Variants in GPI observed in about 807,000 individuals in gnomAD.
GPI encodes the protein glucose-6-phosphate isomerase.
In GPI, 56 loss-of-function variants were observed where a neutral mutation model predicts 75.8. The ratio of observed to expected loss-of-function variants is 0.74; its 90% CI spans 0.60 to 0.92. The LOEUF (loss-of-function observed/expected upper bound fraction) is 0.92. GPI is among the 40% of genes least tolerant of loss of function. The probability of loss-of-function intolerance (pLI) is 0.00; values close to 1 mark genes in which losing one functional copy is unlikely to be tolerated. For synonymous variants in GPI, 288 were observed against 285.4 expected (o/e 1.01, Z -0.09); for missense variants, 638 against 741.0 (o/e 0.86, Z 1.61).
chr19:34,400,677 C>T lies in GPI; in HGVS notation c.*641C>T, dbSNP rs2075009354. The T allele has an allele frequency of 1.7e-5, 7 of 403,606 alleles. No individual in the cohort carries two copies. Among genetic ancestry groups the T allele is most frequent in the Non-Finnish European group, 3.1e-5 (7 of 229,102 alleles). The allele number at this position is 403,606 out of a possible 1,614,324, so 25.0% of individuals were successfully genotyped here. On this transcript the variant is annotated 3_prime_UTR_variant, in exon 18 of 18. Coordinates refer to ENST00000356487, the MANE Select transcript of GPI (RefSeq NM_000175.5). ...GGACAAGACCGAGGATGACTGCCAT[C>T]TCCTGGCAAGACGCTCAGGTAGTTC...
intron 6 of GPI, 65 bp downstream of exon 6, chr19:34,377,946 T>C (rs1374800562): frequency 6.5e-6 from 10 of 1,544,376 alleles, no homozygotes; most frequent in Non-Finnish European, 9.0e-6. Context: ...GGGACAGCTG[T>C]CTTGCCATCC....
chr19:34,379,718 C>T (rs542660459), intron 8 of GPI, 156 bp downstream of exon 8: 72 of 763,194 alleles, frequency 9.4e-5, no homozygotes, highest in Admixed American at 2.9e-4. Context: ...GCCTTCCTTG[C>T]CTTTTCCGCA....
intron 3 of GPI, chr19:34,367,137 T>A: frequency 3.6e-6 from 2 of 561,256 alleles, no homozygotes; most frequent in South Asian, 3.6e-5. Context: ...CTTGGAGAAG[T>A]TAACTCTAAT....
chr19:34,382,125 G>A (rs1336033112), intron 9 of GPI, among the ~76,000 whole-genome samples: 1 of 152,182 alleles, frequency 6.6e-6, no homozygotes, highest in African/African-American at 2.4e-5. Flanking sequence ...CTCAGCAGTG[G>A]TGTGAGGAGG....
chr19:34,377,428 C>T (rs533135679), intron 4 of GPI, 75 bp from the exon 5 acceptor site: 34 of 1,079,434 alleles, frequency 3.1e-5, no homozygotes, highest in East Asian at 1.2e-4. Context: ...TACCAGGACA[C>T]GGCAGTAATG....
chr19:34,366,881 C>G, intron 3 of GPI, 30 bp downstream of exon 3: 1 of 1,473,810 alleles, frequency 6.8e-7, no homozygotes, highest in Non-Finnish European at 9.5e-7. Flanking sequence ...CCTCTGGGGC[C>G]TCCTTCCTTC....
intron 4 of GPI, among the ~76,000 whole-genome samples, chr19:34,373,674 G>T (rs554692923): frequency 6.6e-6 from 1 of 152,076 alleles, no homozygotes; most frequent in Non-Finnish European, 1.5e-5. Context: ...AACAATCACC[G>T]TCTCTTTATG....
chr19:34,373,684 G>A (rs895735581), intron 4 of GPI, among the ~76,000 whole-genome samples: 2 of 152,164 alleles, frequency 1.3e-5, no homozygotes, highest in African/African-American at 4.8e-5. Flanking sequence ...GTCTCTTTAT[G>A]TGGGGAATTT....
At chr19:34,376,836 C>T (rs1315209444) in intron 4 of GPI, among the ~76,000 whole-genome samples, 1 of 151,392 alleles carries the variant, frequency 6.6e-6, no homozygotes, top group East Asian at 1.9e-4. Flanking sequence ...TCACTTGAGG[C>T]CAGTAATTCG....
chr19:34,380,051 C>T (rs2074624251), intron 8 of GPI, among the ~76,000 whole-genome samples: 1 of 132,066 alleles, frequency 7.6e-6, no homozygotes, highest in South Asian at 2.4e-4. Flanking sequence ...GGCTGGAGTG[C>T]AGTGGCGTGA....
At chr19:34,373,780 C>T (rs1287741807) in intron 4 of GPI, among the ~76,000 whole-genome samples, 1 of 152,052 alleles carries the variant, frequency 6.6e-6, no homozygotes, top group Non-Finnish European at 1.5e-5. Flanking sequence ...TTGAAGGCTT[C>T]ATGGGGGTTG....
In GPI at chr19:34,399,586, A is replaced by G. The variant is rs558495804; in HGVS notation, c.1429A>G (p.Ile477Val). 7 of 1,614,074 alleles carry G rather than the reference A, an allele frequency of 4.3e-6. No homozygotes were observed. Among genetic ancestry groups the G allele is most frequent in the African/African-American group, 2.7e-5 (2 of 74,994 alleles). ...TGAAGGAAATCGCCCAACCAACTCT[A>G]TTGTGTTCACCAAGCTCACACCATT... is the stretch of plus-strand genomic sequence containing the variant. ...VFEGNRPTNS[I>V]VFTKLTPFML... The change falls in exon 16 of 18, where the codon ATT becomes GTT. Residue 477 changes from isoleucine (I) to valine (V), a missense_variant. Transcript: ENST00000356487.
chr19:34,371,596 ATC>A (rs2074453654), intron 4 of GPI, among the ~76,000 whole-genome samples: 1 of 152,082 alleles, frequency 6.6e-6, no homozygotes, highest in South Asian at 2.1e-4. Flanking sequence ...CACACCTGTA[ATC>A]CCAGCACCTT....
At chr19:34,368,441 A>C (rs1018745694) in intron 3 of GPI, 142 bp from the exon 4 acceptor site, 5 of 848,072 alleles carry the variant, frequency 5.9e-6, no homozygotes, top group South Asian at 1.6e-5. Flanking sequence ...GGGTTCTTGG[A>C]ACAAGGTTAT....
intron 1 of GPI, chr19:34,365,606 G>C (rs1322308195): frequency 1.3e-6 from 1 of 788,380 alleles, no homozygotes; most frequent in Non-Finnish European, 2.1e-6. Flanking sequence ...TCGGCCCCGG[G>C]TCTGCTTCGT....
In GPI at chr19:34,366,818, GATGTTCA is replaced by G. The variant is rs908120949; in HGVS notation, c.253_259del (p.Phe85ValfsTer27). 3 of 1,613,714 alleles carry G rather than the reference GATGTTCA, an allele frequency of 1.9e-6. No individual in the cohort carries two copies. In the African/African-American group the frequency reaches 4.0e-5, roughly 22 times the overall value. ...GGGGCGTGGAGGCCGCCCGGGAGCG[GATGTTCA>G]ATGGTGAGAAGATCAACTACACCGA... is the stretch of plus-strand genomic sequence containing the variant. On this transcript the variant is annotated frameshift_variant, in exon 3 of 18. Coordinates refer to ENST00000356487, the MANE Select transcript of GPI (RefSeq NM_000175.5). LOFTEE classifies it high-confidence loss of function.
intron 4 of GPI, among the ~76,000 whole-genome samples, chr19:34,369,024 T>C (rs1369953620): frequency 6.6e-6 from 1 of 151,684 alleles, no homozygotes; most frequent in East Asian, 1.9e-4. Context: ...GACAGGACAG[T>C]CAGGAAAGGA....
intron 3 of GPI, chr19:34,367,052 G>T: frequency 1.4e-6 from 1 of 697,608 alleles, no homozygotes; most frequent in Non-Finnish European, 2.6e-6. Context: ...TGAGCTCCTT[G>T]GAATGGTTCC....
chr19:34,402,350 T>C lies in GPI; in HGVS notation c.*2314T>C, dbSNP rs1014084047. On this transcript the variant is annotated 3_prime_UTR_variant, in exon 18 of 18. Transcript: ENST00000356487. ...CAGATTTTCTACACAGGGCACTTGC[T>C]TGAGCCTCATCCCGCTTTCTGGAAT... 4 of 152,218 alleles carry C rather than the reference T, an allele frequency of 2.6e-5. No individual in the cohort carries two copies. The highest frequency in any genetic ancestry group is 5.9e-5 in the Non-Finnish European group (4 of 68,040). 9.4% of individuals were successfully genotyped at this position (152,218 alleles called of 1,614,324 possible).
Sources: allele counts gnomAD v4.1 joint callset (sites outside exome capture counted in the v4.1 genomes callset), GRCh38; gene constraint gnomAD v4.1.1; transcripts MANE v1.5; gene names NCBI Gene and HGNC (gene_info 2026-07-23, HGNC 2026-07-21).